Variants in ARID1B observed in about 807,000 individuals in gnomAD.
ARID1B encodes the protein AT-rich interaction domain 1B, also known as AT-rich interactive domain-containing protein 1B.
Under a neutral mutation model 212.3 loss-of-function variants are expected in ARID1B, and 30 were observed. The observed-to-expected ratio is 0.14, with a 90% CI of 0.11 to 0.19. The LOEUF is 0.19. Ranked by LOEUF, ARID1B falls within the 10% of genes least tolerant of loss-of-function variation. The pLI is 1.00. For synonymous variants in ARID1B, 1,402 were observed against 1,301.7 expected, an observed-to-expected ratio of 1.08 and a Z score of -1.66; for missense variants, 2,891 against 3,204.0, an observed-to-expected ratio of 0.90 and a Z score of 2.36.
rs374987326 is a variant in ARID1B, at chr6:156,878,698, A to G, written c.1987-22678A>G. On this transcript the variant is annotated intron_variant, in intron 2 of 19. Transcript: ENST00000636930. ...TTTTGGGAAGTGGAGTCTGCCTCCTATCAGGCTCATAATAAGGTGAGGAGT... is the reference window on the plus strand; with the variant it reads ...TTTTGGGAAGTGGAGTCTGCCTCCTGTCAGGCTCATAATAAGGTGAGGAGT... Among the ~76,000 whole-genome samples, 54 of 152,310 alleles carry G rather than the reference A, an allele frequency of 3.5e-4. No homozygotes were observed. The South Asian group carries it at 9.7e-3, about 27-fold the overall frequency.
chr6:156,904,436 T>G (rs1415977338), intron 3 of ARID1B, among the ~76,000 whole-genome samples: 1 of 152,246 alleles, frequency 6.6e-6, no homozygotes, highest in Non-Finnish European at 1.5e-5. Context: ...GAAACAATGA[T>G]GCCATGCTAA....
chr6:156,892,589 A>G (rs1281864417), intron 2 of ARID1B, among the ~76,000 whole-genome samples: 1 of 152,224 alleles, frequency 6.6e-6, no homozygotes, highest in South Asian at 2.1e-4. Flanking sequence ...TAAGCATGCA[A>G]TTCAGTGAGT....
At position 157,203,112 on chromosome 6, in the gene ARID1B, G is replaced by T. The variant is rs999771524; in HGVS notation, c.5264-754G>T. On this transcript the variant is annotated intron_variant, in intron 18 of 19. Coordinates refer to ENST00000636930, the MANE Select transcript of ARID1B (RefSeq NM_001374828.1). The surrounding 1 kb of genome is among the most constrained non-coding windows in gnomAD (Gnocchi z 4.4). The stretch of plus-strand genomic sequence containing the variant: ...CCACGGTGTCTCCCCCTCATGCAAT[G>T]ATTCTTGGTGCCTGGAGAATGCCCC... Among the ~76,000 whole-genome samples, 3 of 152,192 alleles carry T rather than the reference G, an allele frequency of 2.0e-5. 1 individual carries two copies. Among genetic ancestry groups the T allele is most frequent in the African/African-American group, 7.2e-5 (3 of 41,446 alleles).
In ARID1B at chr6:156,959,336, C is replaced by G. The variant is rs370175766; in HGVS notation, c.2247+23760C>G. Among the ~76,000 whole-genome samples the G allele has an allele frequency of 5.9e-5, 9 of 152,288 alleles. No homozygotes were observed. In the South Asian group the frequency reaches 1.4e-3, roughly 25 times the overall value. ...CTCCTACATACTTTTTGTATCATCT[C>G]TAGATTACTTATAATAACTAATACA... On this transcript the variant is annotated intron_variant, in intron 4 of 19. Transcript: ENST00000636930.
chr6:157,168,430 C>G (rs998033472), intron 9 of ARID1B: 9 of 152,212 alleles, frequency 5.9e-5, no homozygotes, highest in Non-Finnish European at 1.0e-4. Flanking sequence ...TGCAAACAGC[C>G]TGTTAGCTGG....
intron 3 of ARID1B, among the ~76,000 whole-genome samples, 175 bp from the exon 4 acceptor site, chr6:156,935,291 G>T (rs574474748): frequency 6.6e-6 from 1 of 151,862 alleles, no homozygotes; most frequent in Non-Finnish European, 1.5e-5. Context: ...CATTGCCCAG[G>T]CTGGTCTTGA....
intron 3 of ARID1B, among the ~76,000 whole-genome samples, chr6:156,923,925 T>A (rs1333873519): frequency 1.3e-5 from 2 of 152,060 alleles, no homozygotes; most frequent in Non-Finnish European, 2.9e-5. Context: ...CTTAAACTGA[T>A]CTCAGGCGAT....
At chr6:156,878,131 G>A (rs1257553521) in intron 2 of ARID1B, among the ~76,000 whole-genome samples, 3 of 152,114 alleles carry the variant, frequency 2.0e-5, no homozygotes, top group Non-Finnish European at 2.9e-5. Context: ...TGGGCGTCAC[G>A]TTCTGCCTTC....
intron 7 of ARID1B, among the ~76,000 whole-genome samples, chr6:157,147,111 A>G (rs1345017558): frequency 6.6e-6 from 1 of 152,050 alleles, no homozygotes; most frequent in African/African-American, 2.4e-5. Context: ...TTGAAGTAGT[A>G]TCATGTGTAC....
Position 157,100,924 on chromosome 6 carries a change from G to T in ARID1B, c.2492-9548G>T, listed in dbSNP as rs575485924. 2.6e-5 allele frequency among the ~76,000 whole-genome samples: 4 copies of T among 152,234 alleles called. No individual in the cohort carries two copies. In the East Asian group the frequency reaches 7.7e-4, roughly 29 times the overall value. On this transcript the variant is annotated intron_variant, in intron 5 of 19. Coordinates refer to ENST00000636930, the MANE Select transcript of ARID1B (RefSeq NM_001374828.1). ...ATACAACCCATAGTAAGAAGTTATA[G>T]TGTAATTACTAGTGGGTTTGGCAGA...
chr6:156,908,233 A>T (rs1374200055), intron 3 of ARID1B, among the ~76,000 whole-genome samples: 3 of 152,098 alleles, frequency 2.0e-5, no homozygotes, highest in Non-Finnish European at 4.4e-5. Flanking sequence ...TCTTTTGTCA[A>T]TATAGGCATA....
chr6:157,095,581 G>C (rs907733792), intron 5 of ARID1B, among the ~76,000 whole-genome samples: 3 of 152,196 alleles, frequency 2.0e-5, no homozygotes, highest in Non-Finnish European at 4.4e-5. Flanking sequence ...CCAGTTAGGA[G>C]CACATACATT....
At chr6:157,093,271 TA>T (rs1319776031) in intron 5 of ARID1B, among the ~76,000 whole-genome samples, 1 of 152,234 alleles carries the variant, frequency 6.6e-6, no homozygotes, top group Admixed American at 6.5e-5. Context: ...CCATGTTTCC[TA>T]AAAGAGAATA....
At chr6:156,800,156 A>C (rs989218110) in intron 1 of ARID1B, among the ~76,000 whole-genome samples, 1 of 152,274 alleles carries the variant, frequency 6.6e-6, no homozygotes, top group African/African-American at 2.4e-5. Context: ...CCTAAAGAGA[A>C]AACTCAGAAT....
intron 3 of ARID1B, among the ~76,000 whole-genome samples, chr6:156,912,670 G>C (rs566046907): frequency 9.2e-5 from 14 of 152,272 alleles, no homozygotes; most frequent in Non-Finnish European, 2.1e-4. Context: ...GCAATCAGGA[G>C]AACTTAGAGG....
At chr6:156,864,462 ATCTTT>A (rs1785543398) in intron 2 of ARID1B, among the ~76,000 whole-genome samples, 2 of 152,158 alleles carry the variant, frequency 1.3e-5, no homozygotes, top group African/African-American at 4.8e-5. Flanking sequence ...GCTATCTGTA[ATCTTT>A]TCTTTTAGCC....
At chr6:157,117,640 A>G (rs555762703) in intron 6 of ARID1B, among the ~76,000 whole-genome samples, 1 of 152,342 alleles carries the variant, frequency 6.6e-6, no homozygotes, top group African/African-American at 2.4e-5. Context: ...ACAGATGCTC[A>G]GCAGAGACTG....
chr6:156,777,343 G>A (rs1207443801), upstream of ARID1B: 2 of 151,584 alleles, frequency 1.3e-5, no homozygotes, highest in Non-Finnish European at 2.9e-5. Flanking sequence ...CGAGCGAAGT[G>A]GATAATAGTT....
At chr6:156,829,542 T>TA in intron 2 of ARID1B, 121 bp downstream of exon 2, 1 of 1,121,796 alleles carries the variant, frequency 8.9e-7, no homozygotes, top group Non-Finnish European at 1.2e-6. Flanking sequence ...TCTGCTTTAA[T>TA]TTTTATTGTT....
Sources: gnomAD v4.1 joint callset for allele counts (sites outside exome capture counted in the v4.1 genomes callset) on GRCh38, gnomAD v4.1.1 for gene constraint, Gnocchi (gnomAD v3.1) non-coding constraint, MANE v1.5 for transcripts, NCBI Gene and HGNC (gene_info 2026-07-23, HGNC 2026-07-21) for gene names.